ITGA9: variants seen among roughly 807,000 people sequenced by gnomAD.
ITGA9 encodes integrin alpha-9.
In ITGA9, 56 loss-of-function variants were observed where a neutral mutation model predicts 127.8. The observed-to-expected ratio is 0.44, with a 90% confidence interval of 0.35 to 0.55. The LOEUF is 0.55. Ranked by LOEUF, ITGA9 falls within the 20% of genes least tolerant of loss-of-function variation. ITGA9 has a pLI of 0.00. For missense variants in ITGA9, 1,196 were observed against 1,347.1 expected (o/e 0.89, Z 1.76); for synonymous variants, 508 against 514.5 (o/e 0.99, Z 0.17).
intron 18 of ITGA9, among the ~76,000 whole-genome samples, chr3:37,709,936 C>T (rs1190681680): frequency 6.6e-6 from 1 of 152,216 alleles, no homozygotes. Flanking sequence ...GATAGCGCCA[C>T]TGCACTCCAG....
intron 18 of ITGA9, among the ~76,000 whole-genome samples, chr3:37,694,192 T>G (rs922583959): frequency 6.6e-6 from 1 of 152,252 alleles, no homozygotes; most frequent in Non-Finnish European, 1.5e-5. Flanking sequence ...GCTTTGTTGG[T>G]CTTCCCCATC....
intron 21 of ITGA9, among the ~76,000 whole-genome samples, 156 bp downstream of exon 21, chr3:37,741,975 G>A (rs1309584970): frequency 1.3e-5 from 2 of 152,228 alleles, no homozygotes; most frequent in Non-Finnish European, 2.9e-5. Context: ...TTTAGCTGCA[G>A]TAACTCATAC....
At chr3:37,609,176 C>T (rs4678979) in intron 15 of ITGA9, among the ~76,000 whole-genome samples, 79,065 of 151,898 alleles carry the variant, frequency 0.52, 21,187 homozygotes, top group East Asian at 0.6. Context: ...CAGTCATTCT[C>T]CTCACATACC....
chr3:37,730,143 T>C (rs1390832899), intron 18 of ITGA9, among the ~76,000 whole-genome samples: 2 of 152,244 alleles, frequency 1.3e-5, no homozygotes, highest in Admixed American at 6.5e-5. Flanking sequence ...TATGTATATG[T>C]GTATGTGTGA....
chr3:37,715,557 A>G (rs1197006902), intron 18 of ITGA9, among the ~76,000 whole-genome samples: 1 of 152,252 alleles, frequency 6.6e-6, no homozygotes, highest in South Asian at 2.1e-4. Flanking sequence ...AAGCAGACAA[A>G]GAGAAAACAC....
intron 17 of ITGA9, among the ~76,000 whole-genome samples, chr3:37,671,123 A>C (rs1700634073): frequency 6.6e-6 from 1 of 152,256 alleles, no homozygotes; most frequent in African/African-American, 2.4e-5. Flanking sequence ...AGCAGCCTGC[A>C]GATCTTGGGA....
intron 27 of ITGA9, among the ~76,000 whole-genome samples, chr3:37,817,505 C>T (rs543834486): frequency 1.4e-4 from 21 of 152,336 alleles, no homozygotes; most frequent in Non-Finnish European, 2.6e-4. Context: ...AGCTGGTTAC[C>T]TCTGCAGGCA....
At chr3:37,661,670 G>C (rs12496437) in intron 17 of ITGA9, among the ~76,000 whole-genome samples, 82,835 of 152,012 alleles carry the variant, frequency 0.54, 22,796 homozygotes, top group African/African-American at 0.6. Context: ...ATTCATTCTT[G>C]TCTGGGATGG....
chr3:37,554,148 A>G (rs1009806799), intron 15 of ITGA9, among the ~76,000 whole-genome samples: 1 of 152,264 alleles, frequency 6.6e-6, no homozygotes, highest in East Asian at 1.9e-4. Flanking sequence ...ATTAAGGTGC[A>G]TTAGAAGGCG....
intron 23 of ITGA9, among the ~76,000 whole-genome samples, chr3:37,771,680 G>A (rs1428247536): frequency 6.6e-6 from 1 of 152,190 alleles, no homozygotes; most frequent in African/African-American, 2.4e-5. Flanking sequence ...GCATGATCTC[G>A]CAGCTGCCTT....
chr3:37,476,170 G>A (rs1473661826), intron 3 of ITGA9, among the ~76,000 whole-genome samples: 1 of 152,156 alleles, frequency 6.6e-6, no homozygotes, highest in Non-Finnish European at 1.5e-5. Flanking sequence ...ATATCTCTTT[G>A]AGATCTTGTT....
At chr3:37,698,667 T>C (rs955076061) in intron 18 of ITGA9, among the ~76,000 whole-genome samples, 1 of 152,214 alleles carries the variant, frequency 6.6e-6, no homozygotes, top group African/African-American at 2.4e-5. Context: ...TTCGTGTGCA[T>C]GTTTTTTTTC....
chr3:37,473,717 T>C (rs1199858041), intron 3 of ITGA9, among the ~76,000 whole-genome samples: 5 of 145,504 alleles, frequency 3.4e-5, no homozygotes. Flanking sequence ...ATTCATTACA[T>C]AGGTATTTGT....
At chr3:37,529,108 C>G (rs1234691491) in intron 13 of ITGA9, among the ~76,000 whole-genome samples, 1 of 152,164 alleles carries the variant, frequency 6.6e-6, no homozygotes, top group African/African-American at 2.4e-5. Flanking sequence ...GAGTAGCACT[C>G]CATTGACTGA....
chr3:37,493,385 C>T (rs965233546), intron 4 of ITGA9, among the ~76,000 whole-genome samples: 2 of 152,280 alleles, frequency 1.3e-5, no homozygotes. Flanking sequence ...GGGGGTGGTA[C>T]AGGGTCACTG....
At chr3:37,683,771 C>T (rs747017056) in intron 17 of ITGA9, 94 bp from the exon 18 acceptor site, 144 of 1,284,204 alleles carry the variant, frequency 1.1e-4, no homozygotes, top group African/African-American at 1.6e-4. Flanking sequence ...GTTCTGATCT[C>T]GGTTTCTGCC....
rs371915172 is a variant in ITGA9, at chr3:37,659,278, A to G, written c.1916+5488A>G. Among the ~76,000 whole-genome samples, 16 of 152,280 alleles carry G rather than the reference A, an allele frequency of 1.1e-4. 1 individual carries two copies. The highest frequency in any genetic ancestry group is 2.0e-4 in the Admixed American group (3 of 15,304). Reference sequence around the variant, plus strand: ...ATAATATCCTGAAGAGTGTTTTCCAACTTGGTTCCATTCTCCTCATCACTT... The same window carrying G: ...ATAATATCCTGAAGAGTGTTTTCCAGCTTGGTTCCATTCTCCTCATCACTT... On this transcript the variant is annotated intron_variant, in intron 17 of 27. Coordinates refer to ENST00000264741, the MANE Select transcript of ITGA9 (RefSeq NM_002207.3).
chr3:37,748,936 G>GT, intron 22 of ITGA9: 1 of 657,544 alleles, frequency 1.5e-6, no homozygotes, highest in Non-Finnish European at 2.7e-6. Context: ...CCTCTGGACT[G>GT]TTTAAAAAAA....
At chr3:37,672,288 TA>T (rs1700644355) in intron 17 of ITGA9, among the ~76,000 whole-genome samples, 1 of 151,284 alleles carries the variant, frequency 6.6e-6, no homozygotes, top group Non-Finnish European at 1.5e-5. Context: ...CGGTGGGAGG[TA>T]AATAAATCAT....
Sources: allele counts gnomAD v4.1 joint callset (sites outside exome capture counted in the v4.1 genomes callset), GRCh38; gene constraint gnomAD v4.1.1; transcripts MANE v1.5; gene names NCBI Gene and HGNC (gene_info 2026-07-23, HGNC 2026-07-21).